The following TTC39B variants were observed in gnomAD, a reference collection of about 807,000 sequenced individuals.
TTC39B encodes tetratricopeptide repeat protein 39B.
A neutral mutation model predicts 96.6 loss-of-function variants in TTC39B; 92 were observed. That is an observed-to-expected ratio of 0.95 (90% CI 0.80 to 1.13). TTC39B has a LOEUF of 1.13. TTC39B is among the 50% of genes most tolerant of loss of function. TTC39B has a pLI of 0.00. For synonymous variants in TTC39B, 367 were observed against 299.4 expected (o/e 1.23, Z -2.33); for missense variants, 955 against 809.3 (o/e 1.18, Z -2.18).
In TTC39B at chr9:15,172,505, C is replaced by T. The variant is rs554687879; in HGVS notation, c.1959-396G>A. Among the ~76,000 whole-genome samples the T allele has an allele frequency of 3.9e-5, 6 of 152,186 alleles. No homozygotes were observed. The East Asian group carries it at 9.6e-4, about 24-fold the overall frequency. ...AACATGGTTAGCATGATCACATGATCGATCACTCAAGAAACTCAAATGAAA... is the reference window on the plus strand; with the variant it reads ...AACATGGTTAGCATGATCACATGATTGATCACTCAAGAAACTCAAATGAAA... On this transcript the variant is annotated intron_variant, in intron 19 of 19. Transcript: ENST00000512701.
intron 2 of TTC39B, among the ~76,000 whole-genome samples, chr9:15,230,090 G>C (rs910430900): frequency 6.6e-6 from 1 of 152,130 alleles, no homozygotes. Flanking sequence ...ATGTACCCTT[G>C]CAAAAGAGCC....
At chr9:15,305,261 C>A (rs1452233117) in intron 1 of TTC39B, among the ~76,000 whole-genome samples, 1 of 152,160 alleles carries the variant, frequency 6.6e-6, no homozygotes, top group Non-Finnish European at 1.5e-5. Flanking sequence ...GGTCATATCT[C>A]CCTAATCAGA....
At chr9:15,257,167 T>C (rs1428448126) in intron 2 of TTC39B, among the ~76,000 whole-genome samples, 4 of 152,262 alleles carry the variant, frequency 2.6e-5, no homozygotes, top group Admixed American at 2.6e-4. Context: ...ATATAAAGCA[T>C]ACAGATTAAA....
intron 1 of TTC39B, among the ~76,000 whole-genome samples, 167 bp from the exon 2 acceptor site, chr9:15,268,115 A>C (rs1169808413): frequency 6.6e-6 from 1 of 152,192 alleles, no homozygotes; most frequent in East Asian, 1.9e-4. Flanking sequence ...CTGTTTACAG[A>C]AATCAAGCAG....
At chr9:15,228,595 C>A (rs1480253477) in intron 2 of TTC39B, among the ~76,000 whole-genome samples, 2 of 152,220 alleles carry the variant, frequency 1.3e-5, no homozygotes, top group African/African-American at 2.4e-5. Flanking sequence ...AAACCGCCAA[C>A]TCACCTCTAA....
chr9:15,218,635 A>AAAAAAAAAAAAATATAT (rs374054306), intron 3 of TTC39B, among the ~76,000 whole-genome samples: 2 of 149,448 alleles, frequency 1.3e-5, no homozygotes, highest in African/African-American at 4.9e-5. Context: ...GTCTATTTTA[A>AAAAAAAAAAAAATATAT]ATATATATAT....
intron 3 of TTC39B, among the ~76,000 whole-genome samples, chr9:15,215,084 T>C (rs1365907929): frequency 1.3e-5 from 2 of 151,922 alleles, no homozygotes; most frequent in Non-Finnish European, 2.9e-5. Context: ...TGAGCACTCG[T>C]CTCTATAAAA....
intron 17 of TTC39B, among the ~76,000 whole-genome samples, chr9:15,179,454 A>C (rs1368705883): frequency 6.6e-6 from 1 of 152,230 alleles, no homozygotes. Context: ...TTAGGTGCTG[A>C]AAACTGAATA....
At chr9:15,281,474 G>C (rs535527783) in intron 1 of TTC39B, among the ~76,000 whole-genome samples, 55 of 152,002 alleles carry the variant, frequency 3.6e-4, no homozygotes, top group Admixed American at 1.0e-3. Flanking sequence ...TATCCTTATA[G>C]GTAATTTTGG....
At chr9:15,240,972 T>A (rs1214279393) in intron 2 of TTC39B, among the ~76,000 whole-genome samples, 1 of 152,192 alleles carries the variant, frequency 6.6e-6, no homozygotes, top group African/African-American at 2.4e-5. Flanking sequence ...TGCATCTACC[T>A]TTGCTAAAAA....
intron 2 of TTC39B, among the ~76,000 whole-genome samples, chr9:15,265,755 T>A (rs935150835): frequency 1.3e-5 from 2 of 152,164 alleles, no homozygotes; most frequent in African/African-American, 4.8e-5. Context: ...ATATCGTGGA[T>A]CTTTGCTATG....
exon 2 of TTC39B, chr9:15,267,947 T>G (rs759015997): frequency 3.1e-6 from 5 of 1,610,378 alleles, no homozygotes; most frequent in Non-Finnish European, 4.2e-6. Context: ...TTCGAAAACG[T>G]CCTGGGGGAA....
chr9:15,268,481 C>T (rs567837185), intron 1 of TTC39B, among the ~76,000 whole-genome samples: 6 of 152,062 alleles, frequency 3.9e-5, no homozygotes, highest in Non-Finnish European at 8.8e-5. Context: ...AGGAGAGAAA[C>T]GCACACAGTC....
At chr9:15,173,272 T>C (rs753219982) in intron 19 of TTC39B, among the ~76,000 whole-genome samples, 4 of 152,176 alleles carry the variant, frequency 2.6e-5, no homozygotes, top group African/African-American at 9.6e-5. Context: ...ACAAATTAAC[T>C]TTAAAAGCAA....
chr9:15,213,818 A>C (rs1250132111), intron 4 of TTC39B, among the ~76,000 whole-genome samples: 1 of 152,232 alleles, frequency 6.6e-6, no homozygotes, highest in Non-Finnish European at 1.5e-5. Context: ...AAATTTTCTC[A>C]ATAATATTTA....
chr9:15,233,696 C>G (rs1365637010), intron 2 of TTC39B, among the ~76,000 whole-genome samples: 1 of 152,180 alleles, frequency 6.6e-6, no homozygotes, highest in African/African-American at 2.4e-5. Context: ...GGCGTGATCT[C>G]GGCTCGCTAC....
In TTC39B at chr9:15,171,506, G is replaced by A. The variant is rs1293417975; in HGVS notation, c.*513C>T. On this transcript the variant is annotated 3_prime_UTR_variant, in exon 20 of 20. Transcript: ENST00000512701. Reference sequence around the variant, plus strand: ...CCCATGAAGTACATTATATCGATCCGTGTTCATGTTCTCAGACTGTCTTTT... The same window carrying A: ...CCCATGAAGTACATTATATCGATCCATGTTCATGTTCTCAGACTGTCTTTT... 7 of 152,478 alleles carry A rather than the reference G, an allele frequency of 4.6e-5. No individual in the cohort carries two copies. The East Asian group carries it at 9.7e-4, about 21-fold the overall frequency. 9.4% of individuals were successfully genotyped at this position (152,478 alleles called of 1,614,324 possible).
intron 8 of TTC39B, among the ~76,000 whole-genome samples, chr9:15,199,603 C>T (rs554905965): frequency 2.3e-4 from 35 of 151,354 alleles, no homozygotes; most frequent in African/African-American, 6.5e-4. Context: ...GGCGTGGTGG[C>T]GGGCGCCTGT....
At chr9:15,287,471 G>T (rs903421662) in intron 1 of TTC39B, among the ~76,000 whole-genome samples, 1 of 152,188 alleles carries the variant, frequency 6.6e-6, no homozygotes, top group Admixed American at 6.5e-5. Flanking sequence ...TTAACAAAGA[G>T]ATAAGAGTTC....
Sources: gnomAD v4.1 joint callset for allele counts (sites outside exome capture counted in the v4.1 genomes callset) on GRCh38, gnomAD v4.1.1 for gene constraint, MANE v1.5 for transcripts, NCBI Gene and HGNC (gene_info 2026-07-23, HGNC 2026-07-21) for gene names.